The following LIPA variants were observed in gnomAD, a reference collection of about 807,000 sequenced individuals.
LIPA encodes the protein lysosomal acid lipase/cholesteryl ester hydrolase.
In LIPA, 26 loss-of-function variants were observed where a neutral mutation model predicts 40.6. The ratio of observed to expected loss-of-function variants is 0.64; its 90% confidence interval spans 0.47 to 0.89. The LOEUF (loss-of-function observed/expected upper bound fraction) is 0.89, where lower values mean the gene tolerates loss of function less well. Ranked by LOEUF, LIPA falls within the 40% of genes least tolerant of loss-of-function variation. LIPA has a pLI of 0.00. For synonymous variants in LIPA, 188 were observed against 168.4 expected (o/e 1.12, Z -0.90); for missense variants, 455 against 479.6 (o/e 0.95, Z 0.48).
intron 1 of LIPA, among the ~76,000 whole-genome samples, chr10:89,276,677 T>C (rs997726024): frequency 2.6e-5 from 4 of 152,210 alleles, no homozygotes; most frequent in African/African-American, 9.6e-5. Flanking sequence ...CATTTGAGGG[T>C]AGGATCCATC....
Position 89,214,796 on chromosome 10 carries a change from TG to T in LIPA, c.*31del. On this transcript the variant is annotated 3_prime_UTR_variant, in exon 10 of 10. Transcript: ENST00000336233. ...ACACATTTTCACATGACATAATCATTGACTTGGTGGTACACAGCTCAAGTCC... is the reference window on the plus strand; with the variant it reads ...ACACATTTTCACATGACATAATCATTACTTGGTGGTACACAGCTCAAGTCC... The T allele has an allele frequency of 8.0e-7, 1 of 1,246,002 alleles. No homozygotes were observed. Among genetic ancestry groups the T allele is most frequent in the Non-Finnish European group, 1.2e-6 (1 of 845,334 alleles). The allele number at this position is 1,246,002 out of a possible 1,614,324, so 77.2% of individuals were successfully genotyped here. A position where few individuals can be genotyped will look rare whatever the true frequency, so the allele number is the denominator to read the frequency against.
intron 1 of LIPA, among the ~76,000 whole-genome samples, chr10:89,413,871 TTTTC>T (rs1454956045): frequency 6.6e-6 from 1 of 152,160 alleles, no homozygotes; most frequent in Non-Finnish European, 1.5e-5. Flanking sequence ...CCCGTGTCTG[TTTTC>T]TTTATTGTTA....
intron 3 of LIPA, among the ~76,000 whole-genome samples, chr10:89,244,931 A>G (rs555256308): frequency 2.0e-5 from 3 of 152,208 alleles, no homozygotes; most frequent in Non-Finnish European, 4.4e-5. Context: ...TGTATCATGT[A>G]AATAAACTTG....
At chr10:89,309,145 A>C (rs1440906170) in intron 1 of LIPA, 1 of 152,252 alleles carries the variant, frequency 6.6e-6, no homozygotes, top group Admixed American at 6.5e-5. Context: ...ACCTACGTGA[A>C]CACAGACATT....
chr10:89,285,650 C>A (rs558405895), intron 1 of LIPA, among the ~76,000 whole-genome samples: 1 of 152,228 alleles, frequency 6.6e-6, no homozygotes, highest in African/African-American at 2.4e-5. Flanking sequence ...GCTCACCCAA[C>A]CCCTTCTCTC....
upstream of LIPA, among the ~76,000 whole-genome samples, chr10:89,343,148 A>T (rs1176832474): frequency 6.6e-6 from 1 of 152,254 alleles, no homozygotes; most frequent in African/African-American, 2.4e-5. Flanking sequence ...AGAGAAAAGC[A>T]TAACAAATTT....
intron 2 of LIPA, chr10:89,363,039 A>G: frequency 4.2e-6 from 1 of 237,364 alleles, no homozygotes; most frequent in Non-Finnish European, 8.8e-6. Context: ...AGCTCTAATC[A>G]GTATGTCTTC....
chr10:89,343,245 A>G (rs1029304549), upstream of LIPA, among the ~76,000 whole-genome samples: 1 of 152,228 alleles, frequency 6.6e-6, no homozygotes, highest in Non-Finnish European at 1.5e-5. Context: ...CTTAGGTTCC[A>G]TGAAGAATGG....
chr10:89,246,520 T>TA (rs1843027010), intron 2 of LIPA, among the ~76,000 whole-genome samples: 1 of 152,168 alleles, frequency 6.6e-6, no homozygotes, highest in Non-Finnish European at 1.5e-5. Context: ...AGCTTTGAGC[T>TA]AAGAAGTAAA....
chr10:89,322,078 G>C (rs776840774), intron 1 of LIPA, among the ~76,000 whole-genome samples: 5 of 152,184 alleles, frequency 3.3e-5, no homozygotes, highest in Admixed American at 1.3e-4. Flanking sequence ...ATGGGGTAGG[G>C]GGAGGGAGGA....
At chr10:89,245,060 C>G (rs1843006817) in intron 3 of LIPA, among the ~76,000 whole-genome samples, 1 of 152,136 alleles carries the variant, frequency 6.6e-6, no homozygotes, top group African/African-American at 2.4e-5. Context: ...AGTGAAATAT[C>G]ATGCACTTCT....
chr10:89,310,427 C>T (rs1433320529), intron 1 of LIPA, among the ~76,000 whole-genome samples: 1 of 152,120 alleles, frequency 6.6e-6, no homozygotes, highest in African/African-American at 2.4e-5. Context: ...TGTTAGGATC[C>T]CTACCATACG....
chr10:89,388,612 G>A (rs1033804144), intron 2 of LIPA, among the ~76,000 whole-genome samples: 9 of 152,220 alleles, frequency 5.9e-5, no homozygotes, highest in Admixed American at 5.2e-4. Context: ...ACCTGGGTTT[G>A]TAAGATTCAT....
At chr10:89,321,573 G>A (rs1395772370) in intron 1 of LIPA, among the ~76,000 whole-genome samples, 2 of 152,276 alleles carry the variant, frequency 1.3e-5, no homozygotes, top group East Asian at 3.9e-4. Flanking sequence ...GTAACAACAG[G>A]TGCTAGAGAG....
intron 8 of LIPA, among the ~76,000 whole-genome samples, chr10:89,220,104 G>A (rs1007064379): frequency 6.6e-6 from 1 of 152,154 alleles, no homozygotes; most frequent in African/African-American, 2.4e-5. Flanking sequence ...GACACAGAAG[G>A]GTGAAGCAAC....
At chr10:89,256,372 C>T (rs547645315), upstream of LIPA, among the ~76,000 whole-genome samples, 1 of 152,164 alleles carries the variant, frequency 6.6e-6, no homozygotes, top group South Asian at 2.1e-4. Flanking sequence ...GAGGAGATCC[C>T]CTATAAAGTA....
rs556718728 is a variant in LIPA at position 89,366,049 on chromosome 10, T to C, written c.61+46742A>G. Among the ~76,000 whole-genome samples the C allele has an allele frequency of 6.6e-4, 100 of 152,272 alleles. 1 individual carries two copies. Among genetic ancestry groups the C allele is most frequent in the Admixed American group, 2.4e-3 (37 of 15,290 alleles). On this transcript the variant is annotated intron_variant, in intron 2 of 8. Coordinates refer to the LIPA transcript ENST00000371837. ...CTATAAATTACCTTGGGCAGTATGGTCATTTTCACGATATTGATTCTTCCT... is the reference window on the plus strand; with the variant it reads ...CTATAAATTACCTTGGGCAGTATGGCCATTTTCACGATATTGATTCTTCCT...
chr10:89,301,904 A>G (rs913039243), intron 1 of LIPA: 1 of 500,020 alleles, frequency 2.0e-6, no homozygotes, highest in Admixed American at 3.4e-5. Flanking sequence ...TCTAAAGTAT[A>G]ATAAAAAGAA....
At chr10:89,351,914 G>A (rs1170552332) in intron 2 of LIPA, among the ~76,000 whole-genome samples, 4 of 152,252 alleles carry the variant, frequency 2.6e-5, no homozygotes, top group Admixed American at 6.5e-5. Flanking sequence ...TGGAGACAAC[G>A]TCTGAGAAAT....
Sources: gnomAD v4.1 joint callset for allele counts (sites outside exome capture counted in the v4.1 genomes callset) on GRCh38, gnomAD v4.1.1 for gene constraint, MANE v1.5 for transcripts, NCBI Gene and HGNC (gene_info 2026-07-23, HGNC 2026-07-21) for gene names.